RAB30: variants seen among roughly 807,000 people sequenced by gnomAD.
RAB30 encodes RAB30, member RAS oncogene family.
In RAB30, 9 loss-of-function variants were observed where a neutral mutation model predicts 25.1. That is an observed-to-expected ratio of 0.36 (90% CI 0.22 to 0.63). RAB30 has a LOEUF of 0.63. RAB30 is among the 20% of genes least tolerant of loss of function. The probability of loss-of-function intolerance (pLI) is 0.69; values close to 1 mark genes in which losing one functional copy is unlikely to be tolerated. For missense variants in RAB30, 140 were observed against 243.5 expected (o/e 0.58, Z 2.83); for synonymous variants, 77 against 86.4 (o/e 0.89, Z 0.60).
intron 1 of RAB30, among the ~76,000 whole-genome samples, chr11:83,043,410 T>G (rs1485604014): frequency 6.6e-6 from 1 of 152,230 alleles, no homozygotes; most frequent in Admixed American, 6.5e-5. Context: ...CGTGGAATTA[T>G]GAGCACTAAT....
At chr11:83,069,914 C>G (rs1455086106) in intron 1 of RAB30, among the ~76,000 whole-genome samples, 1 of 152,216 alleles carries the variant, frequency 6.6e-6, no homozygotes, top group Non-Finnish European at 1.5e-5. Context: ...CAAAGAAATT[C>G]TCTTCAAAGA....
At chr11:83,014,638 G>GAAAGAAAGAA (rs1857380185) in intron 1 of RAB30, among the ~76,000 whole-genome samples, 3 of 38,660 alleles carry the variant, frequency 7.8e-5, no homozygotes, top group African/African-American at 1.1e-4. Flanking sequence ...GTAAGAAAAA[G>GAAAGAAAGAA]AAAGAAAGAA....
intron 2 of RAB30, among the ~76,000 whole-genome samples, chr11:82,995,877 G>A (rs952145958): frequency 6.6e-6 from 1 of 152,214 alleles, no homozygotes; most frequent in Non-Finnish European, 1.5e-5. Context: ...CATCTATAAA[G>A]TGAGAGAGGT....
intron 1 of RAB30, among the ~76,000 whole-genome samples, chr11:83,011,393 G>A (rs558465159): frequency 6.6e-6 from 1 of 151,466 alleles, no homozygotes; most frequent in Admixed American, 6.6e-5. Flanking sequence ...ACATAATGGT[G>A]GCTATCAAGA....
At chr11:83,033,108 AGGCT>A (rs1274736792) in intron 1 of RAB30, among the ~76,000 whole-genome samples, 3 of 123,124 alleles carry the variant, frequency 2.4e-5, no homozygotes, top group Non-Finnish European at 4.7e-5. Context: ...TCTGTCACTC[AGGCT>A]GGAATGCAAC....
intron 1 of RAB30, among the ~76,000 whole-genome samples, chr11:83,047,823 T>G (rs1858265482): frequency 6.6e-6 from 1 of 152,208 alleles, no homozygotes; most frequent in African/African-American, 2.4e-5. Context: ...TGAGAGTGCT[T>G]TTCCACCATC....
chr11:82,995,141 A>C (rs1434469037), intron 2 of RAB30, among the ~76,000 whole-genome samples: 1 of 152,170 alleles, frequency 6.6e-6, no homozygotes, highest in African/African-American at 2.4e-5. Context: ...TTCCCTCTTC[A>C]CTTATATTCC....
In RAB30 at chr11:82,979,841, C is replaced by G. The variant is rs1166100810; in HGVS notation, c.*2324G>C. 1.3e-5 allele frequency: 2 copies of G among 152,178 alleles called. No individual in the cohort carries two copies. The highest frequency in any genetic ancestry group is 1.3e-4 in the Admixed American group (2 of 15,274). The allele number at this position is 152,178 out of a possible 1,614,324, so 9.4% of individuals were successfully genotyped here. Reference sequence around the variant, plus strand: ...GCAACAAGGAAGATAGAGGCCAAGACCAGAGCTTTTTAATCCCCTTCTGAG... The same window carrying G: ...GCAACAAGGAAGATAGAGGCCAAGAGCAGAGCTTTTTAATCCCCTTCTGAG... On this transcript the variant is annotated 3_prime_UTR_variant, in exon 5 of 5. Coordinates refer to ENST00000527633, the MANE Select transcript of RAB30 (RefSeq NM_001286060.2).
Position 82,976,928 on chromosome 11 carries a change from G to A in RAB30, c.*5237C>T, listed in dbSNP as rs1856555505. 1.3e-5 allele frequency: 2 copies of A among 152,110 alleles called. No individual in the cohort carries two copies. Among genetic ancestry groups the A allele is most frequent in the Non-Finnish European group, 2.9e-5 (2 of 68,002 alleles). 9.4% of individuals were successfully genotyped at this position (152,110 alleles called of 1,614,324 possible). A position where few individuals can be genotyped will look rare whatever the true frequency, so the allele number is the denominator to read the frequency against. On this transcript the variant is annotated 3_prime_UTR_variant, in exon 5 of 5. Transcript: ENST00000527633. ...TTGACCTCAGTTCTTTTAAACTCAT[G>A]TATTCTCAAGAGAATCAAACCAACT... is the stretch of plus-strand genomic sequence containing the variant.
chr11:83,067,545 A>G (rs893072359), intron 1 of RAB30, among the ~76,000 whole-genome samples: 2 of 152,148 alleles, frequency 1.3e-5, no homozygotes, highest in African/African-American at 4.8e-5. Context: ...CTCCCTTCGG[A>G]AAACAAAAAG....
At chr11:83,064,836 T>G (rs1250873770) in intron 1 of RAB30, among the ~76,000 whole-genome samples, 1 of 152,198 alleles carries the variant, frequency 6.6e-6, no homozygotes, top group Non-Finnish European at 1.5e-5. Flanking sequence ...TTATCTAATA[T>G]GTAGCTCCCA....
chr11:83,027,157 T>C (rs918625185), intron 1 of RAB30, among the ~76,000 whole-genome samples: 7 of 152,080 alleles, frequency 4.6e-5, no homozygotes, highest in African/African-American at 1.7e-4. Flanking sequence ...AGGAAGGGGA[T>C]TGCGGGATAC....
At chr11:82,993,967 G>T in intron 3 of RAB30, 72 bp downstream of exon 3, 1 of 1,189,700 alleles carries the variant, frequency 8.4e-7, no homozygotes, top group Non-Finnish European at 1.2e-6. Flanking sequence ...TTAATAAATG[G>T]TTATGAAAGC....
At chr11:83,024,046 C>T (rs1016854354) in intron 1 of RAB30, among the ~76,000 whole-genome samples, 10 of 152,162 alleles carry the variant, frequency 6.6e-5, no homozygotes, top group African/African-American at 2.4e-4. Context: ...TATCCCGGGG[C>T]CTCTTGGGGA....
At chr11:83,014,175 A>C (rs940113636) in intron 1 of RAB30, among the ~76,000 whole-genome samples, 1 of 152,256 alleles carries the variant, frequency 6.6e-6, no homozygotes. Context: ...CTAGTAGAGA[A>C]TTAAAACAGG....
rs1856514326 is a variant in RAB30, at chr11:82,974,827, A to C, written c.*7338T>G. ...GCATTTTATTTCATCTCTATACTAA[A>C]AGTCATGCATTAAAAGTGTGTACAA... On this transcript the variant is annotated 3_prime_UTR_variant, in exon 5 of 5. Coordinates refer to ENST00000527633, the MANE Select transcript of RAB30 (RefSeq NM_001286060.2). 1 of 152,016 alleles carries C rather than the reference A, an allele frequency of 6.6e-6. No homozygotes were observed. Among genetic ancestry groups the C allele is most frequent in the Non-Finnish European group, 1.5e-5 (1 of 67,962 alleles). The allele number at this position is 152,016 out of a possible 1,614,324, so 9.4% of individuals were successfully genotyped here. A position where few individuals can be genotyped will look rare whatever the true frequency, so the allele number is the denominator to read the frequency against.
chr11:83,049,489 T>G (rs946386143), intron 1 of RAB30, among the ~76,000 whole-genome samples: 25 of 73,250 alleles, frequency 3.4e-4, no homozygotes, highest in African/African-American at 7.0e-4. Context: ...AGTTTTTGTG[T>G]TTTTTTTTTG....
At chr11:82,983,403 T>C (rs1464716770) in intron 4 of RAB30, among the ~76,000 whole-genome samples, 3 of 152,210 alleles carry the variant, frequency 2.0e-5, no homozygotes, top group Admixed American at 2.0e-4. Flanking sequence ...ATGTTCATCA[T>C]GTGTGGAATA....
chr11:82,995,048 A>G (rs895091806), intron 2 of RAB30, among the ~76,000 whole-genome samples: 2 of 152,262 alleles, frequency 1.3e-5, no homozygotes, highest in Non-Finnish European at 2.9e-5. Flanking sequence ...ATTTACTATT[A>G]CATAATGTTT....
Sources: allele counts gnomAD v4.1 joint callset (sites outside exome capture counted in the v4.1 genomes callset), GRCh38; gene constraint gnomAD v4.1.1; transcripts MANE v1.5; gene names NCBI Gene and HGNC (gene_info 2026-07-23, HGNC 2026-07-21).